Variants in ANKRD36C observed in about 807,000 individuals in gnomAD.
ANKRD36C encodes ankyrin repeat domain-containing protein 36C.
ANKRD36C carries 61 observed loss-of-function variants against 276.4 expected under a neutral mutation model. The observed-to-expected ratio is 0.22, with a 90% CI of 0.18 to 0.27. ANKRD36C has a LOEUF of 0.27. Among genes scored for constraint, ANKRD36C ranks in the 10% least tolerant of loss-of-function variants. The pLI is 1.00. For missense variants in ANKRD36C, 1,447 were observed against 2,032.3 expected (o/e 0.71, Z 5.54); for synonymous variants, 483 against 680.1 (o/e 0.71, Z 4.51).
intron 59 of ANKRD36C, among the ~76,000 whole-genome samples, chr2:95,872,782 A>G (rs1389869718): frequency 1.3e-5 from 2 of 152,202 alleles, no homozygotes; most frequent in Admixed American, 6.5e-5. Context: ...AGACTAAAAA[A>G]GAAGAAAAGA....
At chr2:95,915,546 T>G (rs1482974012) in intron 38 of ANKRD36C, among the ~76,000 whole-genome samples, 2 of 151,540 alleles carry the variant, frequency 1.3e-5, no homozygotes. Flanking sequence ...GGAAAATAAT[T>G]GCTACATCAG....
chr2:95,857,288 T>C (rs1558616920), intron 62 of ANKRD36C, 21 bp downstream of exon 82: 1 of 1,582,156 alleles, frequency 6.3e-7, no homozygotes, highest in Non-Finnish European at 8.6e-7. Context: ...AAATATGAAG[T>C]TTTACCAAAC....
chr2:95,856,076 G>T, exon 63 of ANKRD36C: 2 of 1,598,178 alleles, frequency 1.3e-6, no homozygotes, highest in East Asian at 4.5e-5. Flanking sequence ...TCTTTTCCAG[G>T]TTTTGGTTTT....
At position 95,896,848 on chromosome 2, in the gene ANKRD36C, G is replaced by T. The variant is rs1411092824; in HGVS notation, c.2755+2297C>A. Among the ~76,000 whole-genome samples, 4 of 149,618 alleles carry T rather than the reference G, an allele frequency of 2.7e-5. No individual in the cohort carries two copies. In the East Asian group the frequency reaches 7.9e-4, roughly 30 times the overall value. On this transcript the variant is annotated intron_variant, in intron 44 of 66. Coordinates refer to ENST00000456556, the Ensembl canonical transcript of ANKRD36C. Reference sequence around the variant, plus strand: ...TAGGAAAATAGTTGCTACACCAGGGGTCTCCTTAGTTCTCCTAACAGTGTC... The same window carrying T: ...TAGGAAAATAGTTGCTACACCAGGGTTCTCCTTAGTTCTCCTAACAGTGTC...
At chr2:95,914,368 T>C (rs1007318435) in intron 38 of ANKRD36C, 65 bp from the exon 41 acceptor site, 229 of 1,522,168 alleles carry the variant, frequency 1.5e-4, no homozygotes, top group Non-Finnish European at 1.9e-4. Context: ...CATACATTCA[T>C]GCAGTGTTAG....
At chr2:95,918,762 T>A (rs1410500343) in intron 34 of ANKRD36C, among the ~76,000 whole-genome samples, 1 of 151,478 alleles carries the variant, frequency 6.6e-6, no homozygotes, top group Non-Finnish European at 1.5e-5. Context: ...TTTGACATAC[T>A]TCTACAAAGT....
At chr2:95,926,546 T>G (rs543092454) in intron 28 of ANKRD36C, among the ~76,000 whole-genome samples, 1 of 151,604 alleles carries the variant, frequency 6.6e-6, no homozygotes, top group Non-Finnish European at 1.5e-5. Flanking sequence ...ACAAAATGTA[T>G]ATCTCTGATG....
Position 95,929,223 on chromosome 2 carries a change from A to G in ANKRD36C, c.1764+16T>C. The G allele has an allele frequency of 1.3e-6, 2 of 1,593,048 alleles. No homozygotes were observed. The highest frequency in any genetic ancestry group is 1.7e-6 in the Non-Finnish European group (2 of 1,176,470). On this transcript the variant is annotated intron_variant, in intron 25 of 66. Transcript: ENST00000456556. ...ATACAGTTAATAGTTCAACATATAA[A>G]TGAGACTTTAATTACCTTCTCAGCT...
chr2:95,896,447 G>C (rs1168937661), intron 44 of ANKRD36C, among the ~76,000 whole-genome samples: 3 of 149,488 alleles, frequency 2.0e-5, no homozygotes, highest in African/African-American at 4.9e-5. Context: ...AAATACTCTT[G>C]TTGGGAGTAT....
intron 48 of ANKRD36C, among the ~76,000 whole-genome samples, chr2:95,888,736 A>G (rs1283668063): frequency 6.6e-6 from 1 of 151,596 alleles, no homozygotes; most frequent in Non-Finnish European, 1.5e-5. Flanking sequence ...TCTTGTATCC[A>G]CTCGTTTAGC....
At chr2:95,936,215 A>G (rs1007564951) in intron 22 of ANKRD36C, among the ~76,000 whole-genome samples, 22 of 134,540 alleles carry the variant, frequency 1.6e-4, no homozygotes, top group Admixed American at 3.8e-4. Flanking sequence ...TCTAACCAAA[A>G]TATTTGAAAC....
chr2:95,914,205 A>G (rs769754989), intron 39 of ANKRD36C, 25 bp from the exon 42 acceptor site: 2 of 1,571,166 alleles, frequency 1.3e-6, no homozygotes, highest in Non-Finnish European at 1.7e-6. Context: ...AAATGAAATA[A>G]TAAGTTAATA....
At chr2:95,891,476 T>G (rs1345616531) in intron 46 of ANKRD36C, among the ~76,000 whole-genome samples, 189 bp downstream of exon 66, 1 of 151,434 alleles carries the variant, frequency 6.6e-6, no homozygotes, top group Non-Finnish European at 1.5e-5. Flanking sequence ...AAGTGTATAC[T>G]CTTACTGCGA....
At chr2:95,922,646 T>C (rs1677302353) in intron 32 of ANKRD36C, among the ~76,000 whole-genome samples, 1 of 151,664 alleles carries the variant, frequency 6.6e-6, no homozygotes, top group South Asian at 2.1e-4. Context: ...GAACTCAACA[T>C]TATATTTGTT....
rs1300794733 is a variant in ANKRD36C, at chr2:95,902,937, A to G, written c.2654-3601T>C. On this transcript the variant is annotated intron_variant, in intron 42 of 66. Coordinates refer to ENST00000456556, the Ensembl canonical transcript of ANKRD36C. ...TTTCCTCTGGCTATATTCAAAAGAG[A>G]ATCTTTCTCGTCTCTTGTAGCCTGA... The G allele has an allele frequency of 6.2e-5, 99 of 1,590,274 alleles. 6 individuals carry two copies.
chr2:95,886,832 G>A (rs1163209023), intron 50 of ANKRD36C, among the ~76,000 whole-genome samples: 2 of 151,572 alleles, frequency 1.3e-5, no homozygotes, highest in African/African-American at 2.4e-5. Context: ...CCCATGTGCT[G>A]TAATAATTTG....
At chr2:95,893,820 C>T in intron 44 of ANKRD36C, 96 bp from the exon 63 acceptor site, 1 of 1,581,984 alleles carries the variant, frequency 6.3e-7, no homozygotes. Context: ...TGTCCTCCTG[C>T]CTGTATTAGC....
At chr2:95,925,589 T>C (rs758645900) in intron 28 of ANKRD36C, 42 bp from the exon 29 acceptor site, 3 of 1,517,678 alleles carry the variant, frequency 2.0e-6, no homozygotes, top group Non-Finnish European at 2.7e-6. Flanking sequence ...TATGTAAATA[T>C]GATAAAGTCG....
chr2:95,849,146 G>A (rs953383804), downstream of ANKRD36C, among the ~76,000 whole-genome samples: 17 of 151,986 alleles, frequency 1.1e-4, no homozygotes, highest in Admixed American at 6.6e-5. Context: ...TGAAACCTCT[G>A]CCTCCCGGGT....
Sources: gnomAD v4.1 joint callset for allele counts (sites outside exome capture counted in the v4.1 genomes callset) on GRCh38, gnomAD v4.1.1 for gene constraint, MANE v1.5 for transcripts, NCBI Gene and HGNC (gene_info 2026-07-23, HGNC 2026-07-21) for gene names.